The following BRINP1 variants were observed in gnomAD, a reference collection of about 807,000 sequenced individuals.
BRINP1 encodes BMP/retinoic acid-inducible neural-specific protein 1.
Under a neutral mutation model 72.9 loss-of-function variants are expected in BRINP1, and 17 were observed. The observed-to-expected ratio is 0.23, with a 90% CI of 0.16 to 0.35. The LOEUF is 0.35. Ranked by LOEUF, BRINP1 falls within the 10% of genes least tolerant of loss-of-function variation. The pLI is 1.00. For synonymous variants in BRINP1, 418 were observed against 378.5 expected (o/e 1.10, Z -1.21); for missense variants, 850 against 1,001.6 (o/e 0.85, Z 2.04).
chr9:119,215,843 C>G (rs550182434), intron 5 of BRINP1, among the ~76,000 whole-genome samples: 2 of 151,702 alleles, frequency 1.3e-5, no homozygotes, highest in Non-Finnish European at 2.9e-5. Context: ...AGTCAGAAAC[C>G]TGGGCATGGC....
At chr9:119,322,683 C>A (rs1831200384) in intron 1 of BRINP1, among the ~76,000 whole-genome samples, 1 of 152,102 alleles carries the variant, frequency 6.6e-6, no homozygotes, top group Admixed American at 6.6e-5. Flanking sequence ...ACAATACTTG[C>A]CTCTTAAACC....
rs187654234 is a variant in BRINP1, at chr9:119,207,537, C to T, written c.1145+1182G>A. Reference sequence around the variant, plus strand: ...GTCACATATTTCTTTGTTGTGAGAACTGCCTGTGCAATAATACCCCTAACC... The same window carrying T: ...GTCACATATTTCTTTGTTGTGAGAATTGCCTGTGCAATAATACCCCTAACC... On this transcript the variant is annotated intron_variant, in intron 7 of 7. Transcript: ENST00000265922. Among the ~76,000 whole-genome samples, 73 of 152,320 alleles carry T rather than the reference C, an allele frequency of 4.8e-4. No homozygotes were observed. In the Middle Eastern group the frequency reaches 0.01, roughly 21 times the overall value.
At chr9:119,226,246 T>A (rs1182362862) in intron 5 of BRINP1, among the ~76,000 whole-genome samples, 2 of 152,028 alleles carry the variant, frequency 1.3e-5, no homozygotes, top group Admixed American at 6.6e-5. Flanking sequence ...CATATCTCCA[T>A]GGAGTCAATA....
At chr9:119,364,747 G>A (rs917273572) in intron 1 of BRINP1, among the ~76,000 whole-genome samples, 1 of 152,206 alleles carries the variant, frequency 6.6e-6, no homozygotes, top group African/African-American at 2.4e-5. Flanking sequence ...GTCCCACTGG[G>A]TGGAAAGAAC....
chr9:119,275,036 G>T (rs1482713769), intron 2 of BRINP1, among the ~76,000 whole-genome samples: 1 of 152,146 alleles, frequency 6.6e-6, no homozygotes, highest in Non-Finnish European at 1.5e-5. Flanking sequence ...AGATAGGAAT[G>T]TGGTTTGCCA....
chr9:119,241,085 G>T (rs1830243658), intron 4 of BRINP1, among the ~76,000 whole-genome samples: 1 of 152,286 alleles, frequency 6.6e-6, no homozygotes, highest in Admixed American at 6.5e-5. Context: ...AAGTTCCTGT[G>T]CTCTAAGCAC....
chr9:119,177,268 TC>T (rs920083396), intron 7 of BRINP1, among the ~76,000 whole-genome samples: 2 of 152,154 alleles, frequency 1.3e-5, no homozygotes, highest in Non-Finnish European at 2.9e-5. Flanking sequence ...AGTTTCTGCT[TC>T]GTGAGACCAA....
intron 3 of BRINP1, among the ~76,000 whole-genome samples, chr9:119,245,344 T>A (rs1001340411): frequency 2.6e-5 from 4 of 152,186 alleles, no homozygotes; most frequent in Non-Finnish European, 5.9e-5. Flanking sequence ...TCTATACAGG[T>A]AGGCATTTGT....
intron 2 of BRINP1, among the ~76,000 whole-genome samples, chr9:119,294,974 C>CA (rs60313661): frequency 0.48 from 71,949 of 150,992 alleles, 17,910 homozygotes; most frequent in African/African-American, 0.61. Context: ...CAATCTCTAT[C>CA]AAATTTTGCA....
At chr9:119,273,925 T>C (rs1246573503) in intron 2 of BRINP1, among the ~76,000 whole-genome samples, 1 of 152,186 alleles carries the variant, frequency 6.6e-6, no homozygotes. Context: ...TCCTACTAGA[T>C]GTTGAGCTTC....
chr9:119,353,952 G>A (rs1277463700), intron 1 of BRINP1, among the ~76,000 whole-genome samples: 1 of 149,944 alleles, frequency 6.7e-6, no homozygotes, highest in African/African-American at 2.5e-5. Flanking sequence ...AACAATCTTG[G>A]AGGAAGTCAT....
At position 119,214,037 on chromosome 9, in the gene BRINP1, T is replaced by A. The variant is rs41273378; in HGVS notation, c.804A>T (p.Gln268His). 6 of 1,614,026 alleles carry A rather than the reference T, an allele frequency of 3.7e-6. No homozygotes were observed. Among genetic ancestry groups the A allele is most frequent in the Non-Finnish European group, 5.1e-6 (6 of 1,180,034 alleles). Residue 268 changes from glutamine to histidine, a missense_variant, in exon 6 of 8, where the codon CAA becomes CAT. Gln to His is a conservative substitution (Grantham distance 24). Coordinates refer to ENST00000265922, the MANE Select transcript of BRINP1 (RefSeq NM_014618.3). ...TGCACTGCGGAAACTCCTCGGCACA[T>A]TGGCAGCGACACTGGCTGTTCTGGC... Reference protein sequence around the residue: ...YLCQNSQCRCQCAEEFPQCNC... With the variant: ...YLCQNSQCRCHCAEEFPQCNC...
At chr9:119,262,313 G>A (rs1830503839) in intron 2 of BRINP1, among the ~76,000 whole-genome samples, 1 of 151,946 alleles carries the variant, frequency 6.6e-6, no homozygotes, top group Non-Finnish European at 1.5e-5. Flanking sequence ...TGTATTTTAA[G>A]CAAGATTCTG....
At chr9:119,225,703 T>C (rs964088041) in intron 5 of BRINP1, among the ~76,000 whole-genome samples, 8 of 152,028 alleles carry the variant, frequency 5.3e-5, no homozygotes, top group African/African-American at 9.6e-5. Flanking sequence ...AGCAGATTAG[T>C]AGTTATCAGG....
chr9:119,175,003 A>T (rs933576381), intron 7 of BRINP1, among the ~76,000 whole-genome samples: 6 of 150,476 alleles, frequency 4.0e-5, no homozygotes, highest in African/African-American at 1.5e-4. Flanking sequence ...GCATTGGGAG[A>T]TATACCTAAT....
At position 119,167,003 on chromosome 9, in the gene BRINP1, GTTTTTTTGT is replaced by G; in HGVS notation, c.*72_*80del. The G allele has an allele frequency of 1.4e-6, 2 of 1,418,516 alleles. No individual in the cohort carries two copies. The highest frequency in any genetic ancestry group is 1.9e-6 in the Non-Finnish European group (2 of 1,053,698). 87.9% of individuals were successfully genotyped at this position (1,418,516 alleles called of 1,614,324 possible). ...AATTACATTTTACAAATTTTTGTGG[GTTTTTTTGT>G]TTTGTTTTGCTTCATTTTGTTCTGT... On this transcript the variant is annotated 3_prime_UTR_variant, in exon 8 of 8. Transcript: ENST00000265922. This position sits in a 1 kb window ranked among gnomAD's most constrained non-coding sequence, Gnocchi z 4.3.
chr9:119,248,627 C>G (rs192230736), intron 3 of BRINP1, among the ~76,000 whole-genome samples: 7 of 152,328 alleles, frequency 4.6e-5, no homozygotes, highest in African/African-American at 1.7e-4. Context: ...TAAACAATAT[C>G]TGAAATTTAA....
At position 119,368,145 on chromosome 9, in the gene BRINP1, C is replaced by G. The variant is rs1831715532; in HGVS notation, c.-51+911G>C. On this transcript the variant is annotated intron_variant, in intron 1 of 7. Coordinates refer to ENST00000265922, the MANE Select transcript of BRINP1 (RefSeq NM_014618.3). This position sits in a 1 kb window ranked among gnomAD's most constrained non-coding sequence, Gnocchi z 4.7. ...GATCCATGCAAACTTGCCAGATCCT[C>G]CCCAAAACCAACAGAAGCCGGAGGG... is the stretch of plus-strand genomic sequence containing the variant. 6.6e-6 allele frequency among the ~76,000 whole-genome samples: 1 copy of G among 152,214 alleles called. No homozygotes were observed. Among genetic ancestry groups the G allele is most frequent in the African/African-American group, 2.4e-5 (1 of 41,466 alleles).
intron 7 of BRINP1, among the ~76,000 whole-genome samples, chr9:119,178,373 C>T (rs1451194230): frequency 1.3e-5 from 2 of 152,176 alleles, no homozygotes; most frequent in African/African-American, 4.8e-5. Context: ...CTTTCTTTTG[C>T]TTTTCCATAT....
Sources: gnomAD v4.1 joint callset for allele counts (sites outside exome capture counted in the v4.1 genomes callset) on GRCh38, gnomAD v4.1.1 for gene constraint, Gnocchi (gnomAD v3.1) non-coding constraint, MANE v1.5 for transcripts, NCBI Gene and HGNC (gene_info 2026-07-23, HGNC 2026-07-21) for gene names.